GJA3: variants seen among roughly 807,000 people sequenced by gnomAD.
The protein encoded by GJA3 is gap junction protein alpha 3, also known as gap junction alpha-3 protein.
For missense variants in GJA3, 571 were observed against 620.3 expected (o/e 0.92, Z 0.84); for synonymous variants, 297 against 292.6 (o/e 1.02, Z -0.15).
intron 1 of GJA3, among the ~76,000 whole-genome samples, chr13:20,147,060 G>T (rs375624496): frequency 1.3e-5 from 2 of 152,228 alleles, no homozygotes; most frequent in Non-Finnish European, 2.9e-5. Context: ...GATGTCTGCT[G>T]GGGAATGTCT....
intron 1 of GJA3, among the ~76,000 whole-genome samples, chr13:20,157,790 G>C (rs1034011469): frequency 2.6e-5 from 4 of 152,246 alleles, no homozygotes; most frequent in African/African-American, 7.2e-5. Context: ...TGTCTCAAGG[G>C]GGGTATTTTT....
At chr13:20,160,675 C>T (rs895441516) in intron 1 of GJA3, among the ~76,000 whole-genome samples, 7 of 152,186 alleles carry the variant, frequency 4.6e-5, no homozygotes, top group Admixed American at 6.5e-5. Context: ...AAGTTTCTCA[C>T]AAATTTCCCG....
intron 1 of GJA3, among the ~76,000 whole-genome samples, chr13:20,159,614 A>T (rs1958926109): frequency 6.6e-6 from 1 of 152,118 alleles, no homozygotes; most frequent in African/African-American, 2.4e-5. Context: ...TATTTTCCTT[A>T]TTGGCAAAAA....
chr13:20,147,830 A>G (rs1275450322), intron 1 of GJA3, among the ~76,000 whole-genome samples: 5 of 152,164 alleles, frequency 3.3e-5, no homozygotes, highest in African/African-American at 9.7e-5. Context: ...AAACAGATAC[A>G]ATACACTTTG....
chr13:20,144,917 A>G (rs529947536), intron 1 of GJA3, among the ~76,000 whole-genome samples: 3 of 152,368 alleles, frequency 2.0e-5, no homozygotes, highest in Non-Finnish European at 4.4e-5. Context: ...GCGGTGGCTC[A>G]CGCCTGTAAT....
chr13:20,142,506 C>T lies in GJA3; in HGVS notation c.783G>A (p.Pro261=), dbSNP rs888960800. Residue 261 remains proline, a synonymous_variant, in exon 2 of 2, where the codon CCG becomes CCA. Coordinates refer to ENST00000241125, the MANE Select transcript of GJA3 (RefSeq NM_021954.4). ...DPPPLPPSSR[P]PAVAIGFPPY... is the part of the protein sequence containing the mutation. ...GTGGGAACCCGATGGCAACGGCGGG[C>T]GGCCGGGAGCTGGGGGGCAGGGGCG... 1.2e-5 allele frequency: 19 copies of T among 1,546,520 alleles called. No homozygotes were observed. In the African/African-American group the frequency reaches 1.4e-4, roughly 11 times the overall value.
rs1490794011 is a variant in GJA3, at chr13:20,141,039, A to C, written c.*942T>G. Reference sequence around the variant, plus strand: ...AAGAATTTCTTTTACAAGAAAGTTCAAAATCTTTAGTAAAGATGCTAGTAG... The same window carrying C: ...AAGAATTTCTTTTACAAGAAAGTTCCAAATCTTTAGTAAAGATGCTAGTAG... On this transcript the variant is annotated 3_prime_UTR_variant, in exon 2 of 2. Coordinates refer to ENST00000241125, the MANE Select transcript of GJA3 (RefSeq NM_021954.4). 6.6e-6 allele frequency: 1 copy of C among 152,262 alleles called. No homozygotes were observed. Among genetic ancestry groups the C allele is most frequent in the Non-Finnish European group, 1.5e-5 (1 of 68,048 alleles). The allele number at this position is 152,262 out of a possible 1,614,324, so 9.4% of individuals were successfully genotyped here.
chr13:20,157,343 G>A (rs897443601), intron 1 of GJA3, among the ~76,000 whole-genome samples: 3 of 152,162 alleles, frequency 2.0e-5, no homozygotes, highest in African/African-American at 7.2e-5. Context: ...CATAAACACA[G>A]TGCAGTCAGT....
chr13:20,145,450 G>A (rs1390525658), intron 1 of GJA3, among the ~76,000 whole-genome samples: 1 of 152,110 alleles, frequency 6.6e-6, no homozygotes, highest in African/African-American at 2.4e-5. Context: ...CTTAATTACT[G>A]CACTTGAAAC....
intron 1 of GJA3, among the ~76,000 whole-genome samples, chr13:20,151,024 G>C (rs1474484397): frequency 6.7e-6 from 1 of 149,154 alleles, no homozygotes; most frequent in Non-Finnish European, 1.5e-5. Context: ...GAGAGCATGG[G>C]CAAAAGTGGG....
In GJA3 at chr13:20,142,541, C is replaced by T. The variant is rs199664100; in HGVS notation, c.748G>A (p.Ala250Thr). 4.5e-6 allele frequency: 7 copies of T among 1,563,500 alleles called. No individual in the cohort carries two copies. In the Admixed American group the frequency reaches 7.7e-5, roughly 17 times the overall value. ...PDASEAPLGT[A>T]DPPPLPPSSR... The stretch of plus-strand genomic sequence containing the variant: ...CTGGGGGGCAGGGGCGGGGGATCGG[C>T]TGTCCCCAGCGGGGCCTCGGAGGCG... Residue 250 changes from alanine (A) to threonine (T), a missense_variant, in exon 2 of 2, where the codon GCC (alanine) becomes ACC (threonine). Physicochemically the swap from Ala to Thr is moderately conservative, Grantham distance 58. Transcript: ENST00000241125.
rs1958803008 is a variant in GJA3 at position 20,140,845 on chromosome 13, G to A, written c.*1136C>T. On this transcript the variant is annotated 3_prime_UTR_variant, in exon 2 of 2. Coordinates refer to ENST00000241125, the MANE Select transcript of GJA3 (RefSeq NM_021954.4). Reference sequence around the variant, plus strand: ...GTTTTATTCTGTACTTTTTAAAAGTGTAGATTGTCATAGATTCATCTGTAT... The same window carrying A: ...GTTTTATTCTGTACTTTTTAAAAGTATAGATTGTCATAGATTCATCTGTAT... 6.6e-6 allele frequency: 1 copy of A among 152,242 alleles called. No individual in the cohort carries two copies. The highest frequency in any genetic ancestry group is 2.4e-5 in the African/African-American group (1 of 41,464). 9.4% of individuals were successfully genotyped at this position (152,242 alleles called of 1,614,324 possible).
Position 20,142,925 on chromosome 13 carries a change from G to A in GJA3, c.364C>T (p.Pro122Ser). The change falls in exon 2 of 2, where the codon CCC becomes TCC. Residue 122 changes from proline to serine, a missense_variant. Pro to Ser is a moderately conservative substitution (Grantham distance 74, BLOSUM62 -1). Transcript: ENST00000241125. ...EEQLKRESPS[P>S]KEPPQDNPSS... ...GGATTGTCCTGCGGTGGCTCCTTGG[G>A]GCTGGGGCTCTCTCTCTTCAGCTGC... The A allele has an allele frequency of 6.3e-7, 1 of 1,579,690 alleles. No homozygotes were observed. The highest frequency in any genetic ancestry group is 8.6e-7 in the Non-Finnish European group (1 of 1,162,692).
At chr13:20,161,236 A>G (rs371652250), upstream of GJA3, among the ~76,000 whole-genome samples, 136 of 152,154 alleles carry the variant, frequency 8.9e-4, 4 homozygotes, top group South Asian at 0.026. Context: ...GCGCACGTCC[A>G]TGCCTAGCGC....
Position 20,142,289 on chromosome 13 carries a change from C to T in GJA3, c.1000G>A (p.Glu334Lys), listed in dbSNP as rs779308349. 6.4e-7 allele frequency: 1 copy of T among 1,568,702 alleles called. No individual in the cohort carries two copies. Among genetic ancestry groups the T allele is most frequent in the Non-Finnish European group, 8.6e-7 (1 of 1,159,510 alleles). Reference sequence around the variant, plus strand: ...GCCTTGAGCGCCGGGGGCTGCCGCTCGGCCGCCTGGTTGGCCCAGTTCTGC... The same window carrying T: ...GCCTTGAGCGCCGGGGGCTGCCGCTTGGCCGCCTGGTTGGCCCAGTTCTGC... The part of the protein sequence containing the change: ...TEQNWANQAA[E>K]RQPPALKAYP... Residue 334 changes from glutamate (E) to lysine (K), a missense_variant, in exon 2 of 2, where the codon GAG becomes AAG. Coordinates refer to ENST00000241125, the MANE Select transcript of GJA3 (RefSeq NM_021954.4).
intron 1 of GJA3, among the ~76,000 whole-genome samples, chr13:20,149,879 G>T (rs539150190): frequency 3.3e-5 from 5 of 152,170 alleles, no homozygotes; most frequent in Admixed American, 6.5e-5. Flanking sequence ...GAAAGAGTGG[G>T]AGCCCCTCAA....
Position 20,142,899 on chromosome 13 carries a change from G to A in GJA3, c.390C>T (p.Pro130=), listed in dbSNP as rs761779487. Residue 130 remains proline (P), a synonymous_variant, in exon 2 of 2, where the codon CCC becomes CCT. Coordinates refer to ENST00000241125, the MANE Select transcript of GJA3 (RefSeq NM_021954.4). ...CCCTGCCGCGGTCGTCCCGCGACGA[G>A]GGATTGTCCTGCGGTGGCTCCTTGG... ...PSPKEPPQDN[P]SSRDDRGRVR... is the part of the protein sequence containing the mutation. The A allele has an allele frequency of 4.4e-6, 7 of 1,593,250 alleles. No individual in the cohort carries two copies. The highest frequency in any genetic ancestry group is 6.0e-6 in the Non-Finnish European group (7 of 1,169,742).
chr13:20,152,345 C>A (rs1350287293), intron 1 of GJA3, among the ~76,000 whole-genome samples: 1 of 152,124 alleles, frequency 6.6e-6, no homozygotes, highest in African/African-American at 2.4e-5. Flanking sequence ...ATAATTTGTA[C>A]CACACTTGAT....
chr13:20,148,360 G>A (rs377401718), intron 1 of GJA3, among the ~76,000 whole-genome samples: 174 of 149,194 alleles, frequency 1.2e-3, no homozygotes, highest in African/African-American at 3.9e-3. Flanking sequence ...CCAGAGCTCC[G>A]GTGATTCTCC....
Sources: allele counts gnomAD v4.1 joint callset (sites outside exome capture counted in the v4.1 genomes callset), GRCh38; gene constraint gnomAD v4.1.1; transcripts MANE v1.5; gene names NCBI Gene and HGNC (gene_info 2026-07-23, HGNC 2026-07-21).